CCDC150: variants seen among roughly 807,000 people sequenced by gnomAD.
The protein encoded by CCDC150 is coiled-coil domain-containing protein 150.
A neutral mutation model predicts 156.5 loss-of-function variants in CCDC150; 151 were observed. That is an observed-to-expected ratio of 0.97 (90% CI 0.85 to 1.10). The LOEUF is 1.10. Ranked by LOEUF, CCDC150 falls within the 50% of genes least tolerant of loss-of-function variation. CCDC150 has a pLI of 0.00. For missense variants in CCDC150, 1,312 were observed against 1,268.1 expected (o/e 1.03, Z -0.53); for synonymous variants, 452 against 429.4 (o/e 1.05, Z -0.65).
chr2:196,675,544 A>G, intron 10 of CCDC150, among the ~76,000 whole-genome samples: 1 of 152,188 alleles, frequency 6.6e-6, no homozygotes. Context: ...GTGTAGGGGT[A>G]TATGGTACAT....
At position 196,674,232 on chromosome 2, in the gene CCDC150, T is replaced by C; in HGVS notation, c.1030-9T>C. The C allele has an allele frequency of 6.5e-7, 1 of 1,541,208 alleles. No homozygotes were observed. Among genetic ancestry groups the C allele is most frequent in the Non-Finnish European group, 8.9e-7 (1 of 1,126,622 alleles). On this transcript the variant is annotated splice_polypyrimidine_tract_variant and intron_variant, in intron 9 of 27. Transcript: ENST00000389175. ...AGAGACCAATGACTTGCTGTGTGTG[T>C]TTTCTTAGGTTTTGAATGACCAATT...
chr2:196,660,076 CTT>C (rs536011058), intron 5 of CCDC150, among the ~76,000 whole-genome samples: 14 of 152,084 alleles, frequency 9.2e-5, no homozygotes, highest in Non-Finnish European at 1.3e-4. Flanking sequence ...TGTATGTAGT[CTT>C]TTTTGTACTG....
Position 196,695,085 on chromosome 2 carries a change from G to C in CCDC150, c.1549G>C (p.Glu517Gln). 6.2e-7 allele frequency: 1 copy of C among 1,612,112 alleles called. No individual in the cohort carries two copies. The highest frequency in any genetic ancestry group is 2.2e-5 in the East Asian group (1 of 44,824). Residue 517 changes from glutamate to glutamine, a missense_variant, in exon 14 of 28, where the codon GAA becomes CAA. Physicochemically the swap from Glu to Gln is conservative, Grantham distance 29. Coordinates refer to ENST00000389175, the MANE Select transcript of CCDC150 (RefSeq NM_001080539.2). ...NTLTHNLQTL[E>Q]EENKHLADQM... ...ATTAACTCATAACCTGCAGACTCTT[G>C]AAGAAGAGAATAAGCACCTGGCAGA...
rs751345207 is a variant in CCDC150, at chr2:196,732,044, T to A, written c.3081T>A (p.Asn1027Lys). ...ASVESEQITA[N>K]LEEAHRWFKH... ...ATTTATATGTTCAGATAACAGCTAATCTGGAAGAAGCTCATCGCTGGTTTA... is the reference window on the plus strand; with the variant it reads ...ATTTATATGTTCAGATAACAGCTAAACTGGAAGAAGCTCATCGCTGGTTTA... Residue 1027 changes from asparagine (N) to lysine (K), a missense_variant, in exon 27 of 28, where the codon AAT becomes AAA. Transcript: ENST00000389175. 6.2e-7 allele frequency: 1 copy of A among 1,613,768 alleles called. No individual in the cohort carries two copies. The highest frequency in any genetic ancestry group is 8.5e-7 in the Non-Finnish European group (1 of 1,179,736).
chr2:196,717,562 G>A (rs1575949994), intron 17 of CCDC150, among the ~76,000 whole-genome samples: 1 of 152,246 alleles, frequency 6.6e-6, no homozygotes, highest in East Asian at 1.9e-4. Context: ...TGGTTTTGAT[G>A]TTGAACTACA....
intron 2 of CCDC150, among the ~76,000 whole-genome samples, chr2:196,651,966 C>G (rs1692903836): frequency 6.6e-6 from 1 of 152,000 alleles, no homozygotes; most frequent in Non-Finnish European, 1.5e-5. Flanking sequence ...GAGGAGGTAC[C>G]AGGCCCCTTT....
chr2:196,669,299 G>A (rs1694054613), intron 7 of CCDC150, among the ~76,000 whole-genome samples: 1 of 152,050 alleles, frequency 6.6e-6, no homozygotes, highest in African/African-American at 2.4e-5. Flanking sequence ...TCCCTATTTA[G>A]CTGAAGAGTC....
chr2:196,685,154 A>G (rs889036844), intron 13 of CCDC150, among the ~76,000 whole-genome samples: 2 of 151,966 alleles, frequency 1.3e-5, no homozygotes, highest in Non-Finnish European at 2.9e-5. Flanking sequence ...TGTTAAATAT[A>G]TATTTCTAGT....
At chr2:196,720,425 A>G in intron 19 of CCDC150, 150 bp from the exon 20 acceptor site, 1 of 616,212 alleles carries the variant, frequency 1.6e-6, no homozygotes, top group Non-Finnish European at 2.9e-6. Context: ...TGTAAAGGCA[A>G]TATATTTTGT....
At position 196,656,699 on chromosome 2, in the gene CCDC150, A is replaced by G; in HGVS notation, c.243A>G (p.Gln81=). The change falls in exon 3 of 28, where the codon CAA becomes CAG. Residue 81 remains glutamine (Q), a synonymous_variant. Coordinates refer to ENST00000389175, the MANE Select transcript of CCDC150 (RefSeq NM_001080539.2). ...GCCAGAAAGTCATTAGTCCTATCCAAAATGAAGCAATTTGTGCAGGAAAAA... is the reference window on the plus strand; with the variant it reads ...GCCAGAAAGTCATTAGTCCTATCCAGAATGAAGCAATTTGTGCAGGAAAAA... The part of the protein sequence containing the change: ...LDSQKVISPI[Q]NEAICAGKTD... The G allele has an allele frequency of 1.2e-6, 2 of 1,613,772 alleles. No homozygotes were observed. Among genetic ancestry groups the G allele is most frequent in the Non-Finnish European group, 1.7e-6 (2 of 1,179,798 alleles).
At chr2:196,672,478 ATT>A in intron 9 of CCDC150, 41 bp downstream of exon 9, 1 of 1,108,736 alleles carries the variant, frequency 9.0e-7, no homozygotes, top group Non-Finnish European at 1.2e-6. Flanking sequence ...ATGTTATTTA[ATT>A]TTGTTCAATT....
intron 13 of CCDC150, among the ~76,000 whole-genome samples, chr2:196,692,828 T>A (rs978734249): frequency 1.1e-4 from 16 of 152,210 alleles, no homozygotes; most frequent in Non-Finnish European, 1.9e-4. Flanking sequence ...TGTAAATACC[T>A]GTCACTTCCA....
At chr2:196,729,741 A>T in intron 23 of CCDC150, 52 bp from the exon 24 acceptor site, 1 of 1,241,912 alleles carries the variant, frequency 8.1e-7, no homozygotes, top group Non-Finnish European at 1.1e-6. Context: ...AAAAAGAGCA[A>T]GCCAGTTTTT....
rs776846885 is a variant in CCDC150 at position 196,719,618 on chromosome 2, T to C, written c.2117T>C (p.Ile706Thr). The C allele has an allele frequency of 1.2e-6, 2 of 1,613,174 alleles. No homozygotes were observed. Among genetic ancestry groups the C allele is most frequent in the Non-Finnish European group, 8.5e-7 (1 of 1,179,570 alleles). Reference sequence around the variant, plus strand: ...CAAGGTGCTCTGGAGAAAGTACAAATAGAGCTTGGGCGGAGGGATTCAGAG... The same window carrying C: ...CAAGGTGCTCTGGAGAAAGTACAAACAGAGCTTGGGCGGAGGGATTCAGAG... ...KMQGALEKVQ[I>T]ELGRRDSEIA... Residue 706 changes from isoleucine to threonine, a missense_variant, in exon 19 of 28, where the codon ATA becomes ACA. Physicochemically the swap from Ile to Thr is moderately conservative, Grantham distance 89. Transcript: ENST00000389175.
chr2:196,657,439 C>A lies in CCDC150; in HGVS notation c.576+303C>A, dbSNP rs1218120334. 2.4e-5 allele frequency: 6 copies of A among 245,850 alleles called. No homozygotes were observed. In the East Asian group the frequency reaches 2.6e-4, roughly 11 times the overall value. 15.2% of individuals were successfully genotyped at this position (245,850 alleles called of 1,614,324 possible). A position where few individuals can be genotyped will look rare whatever the true frequency, so the allele number is the denominator to read the frequency against. On this transcript the variant is annotated intron_variant, in intron 4 of 27. Transcript: ENST00000389175. ...GGAACTCATATGCTAGTTGGGAGAA[C>A]AAGCTACAGCATGAGAAATTAAATA... is the stretch of plus-strand genomic sequence containing the variant.
chr2:196,729,490 TATTC>T (rs1698411114), intron 23 of CCDC150, 103 bp downstream of exon 23: 1 of 1,066,634 alleles, frequency 9.4e-7, no homozygotes, highest in Non-Finnish European at 1.4e-6. Flanking sequence ...CAGCCCCATG[TATTC>T]TCTGGGAATT....
chr2:196,691,976 T>C (rs1361948212), intron 13 of CCDC150, among the ~76,000 whole-genome samples: 2 of 152,160 alleles, frequency 1.3e-5, no homozygotes, highest in Non-Finnish European at 2.9e-5. Context: ...GATTTGTTGA[T>C]CTCTTGAATG....
Position 196,720,685 on chromosome 2 carries a change from A to G in CCDC150, c.2259+17A>G. On this transcript the variant is annotated intron_variant, in intron 20 of 27. Coordinates refer to ENST00000389175, the MANE Select transcript of CCDC150 (RefSeq NM_001080539.2). ...AACAGTGAGGTTGGAGCCAGGCTTT[A>G]AAAAATGATAACATTGATATTTTTA... is the stretch of plus-strand genomic sequence containing the variant. 2 of 1,598,950 alleles carry G rather than the reference A, an allele frequency of 1.3e-6. No individual in the cohort carries two copies. Among genetic ancestry groups the G allele is most frequent in the Non-Finnish European group, 1.7e-6 (2 of 1,171,282 alleles).
In CCDC150 at chr2:196,731,942, A is replaced by C; in HGVS notation, c.3070-91A>C. On this transcript the variant is annotated intron_variant, in intron 26 of 27. Transcript: ENST00000389175. ...CAAGCAGTCAGAATTTGGGTCTTTT[A>C]ATTTCTAAGTAAAAAATCTCTGCAA... The C allele has an allele frequency of 2.3e-6, 3 of 1,297,188 alleles. No individual in the cohort carries two copies. In the South Asian group the frequency reaches 4.2e-5, roughly 18 times the overall value. 80.4% of individuals were successfully genotyped at this position (1,297,188 alleles called of 1,614,324 possible).
Sources: allele counts gnomAD v4.1 joint callset (sites outside exome capture counted in the v4.1 genomes callset), GRCh38; gene constraint gnomAD v4.1.1; transcripts MANE v1.5; gene names NCBI Gene and HGNC (gene_info 2026-07-23, HGNC 2026-07-21).